Variants in CLASP2 observed in about 807,000 individuals in gnomAD.
The protein encoded by CLASP2 is CLIP-associating protein 2.
A neutral mutation model predicts 194.4 loss-of-function variants in CLASP2; 47 were observed. That is an observed-to-expected ratio of 0.24 (90% CI 0.19 to 0.31). The LOEUF is 0.31. Ranked by LOEUF, CLASP2 falls within the 10% of genes least tolerant of loss-of-function variation. The pLI, the probability that CLASP2 is intolerant of heterozygous loss-of-function variation, is 1.00. For missense variants in CLASP2, 1,445 were observed against 1,823.6 expected, an observed-to-expected ratio of 0.79 and a Z score of 3.78; for synonymous variants, 619 against 633.5, an observed-to-expected ratio of 0.98 and a Z score of 0.34.
chr3:33,693,491 C>T (rs1168064850), intron 2 of CLASP2, among the ~76,000 whole-genome samples: 1 of 152,064 alleles, frequency 6.6e-6, no homozygotes, highest in East Asian at 1.9e-4. Context: ...CAGATAAAAC[C>T]AAAAAGCTAA....
rs570067059 is a variant in CLASP2 at position 33,511,751 on chromosome 3, T to C, written c.4111-987A>G. ...CCCATCAAAAAGTGGGCGAAGGACA[T>C]GAACAGACACTTCTCAAAAGAAGAC... On this transcript the variant is annotated intron_variant, in intron 36 of 38. Coordinates refer to ENST00000682230, the MANE Select transcript of CLASP2 (RefSeq NM_001365631.1). Among the ~76,000 whole-genome samples the C allele has an allele frequency of 7.9e-4, 52 of 66,100 alleles. 10 individuals are homozygous for C. Among genetic ancestry groups the C allele is most frequent in the African/African-American group, 2.9e-3 (52 of 18,194 alleles). 43.4% of individuals were successfully genotyped at this position (66,100 alleles called of 152,430 possible).
chr3:33,696,353 C>CTTTTTTTTTTTT (rs962854814), intron 2 of CLASP2, among the ~76,000 whole-genome samples: 3 of 52,728 alleles, frequency 5.7e-5, no homozygotes, highest in Admixed American at 2.8e-4. Flanking sequence ...TTCTTTCTTT[C>CTTTTTTTTTTTT]TTTTTTTTTT....
At chr3:33,509,579 C>T (rs1193312244) in intron 37 of CLASP2, among the ~76,000 whole-genome samples, 1 of 152,056 alleles carries the variant, frequency 6.6e-6, no homozygotes. Flanking sequence ...TTAGGACCTC[C>T]CAATTTAGTA....
At chr3:33,631,974 T>C (rs2079175284) in intron 9 of CLASP2, among the ~76,000 whole-genome samples, 1 of 152,206 alleles carries the variant, frequency 6.6e-6, no homozygotes, top group South Asian at 2.1e-4. Flanking sequence ...TTTACTTCAA[T>C]TATATCTATA....
intron 1 of CLASP2, among the ~76,000 whole-genome samples, chr3:33,713,012 C>CAAAAAAAAAAAAA (rs57940200): frequency 1.3e-3 from 59 of 47,006 alleles, no homozygotes; most frequent in Non-Finnish European, 1.6e-3. Context: ...AACTCCACCT[C>CAAAAAAAAAAAAA]AAAAAAAAAA....
intron 1 of CLASP2, among the ~76,000 whole-genome samples, chr3:33,704,406 T>C (rs2092565571): frequency 6.6e-6 from 1 of 151,984 alleles, no homozygotes; most frequent in African/African-American, 2.4e-5. Flanking sequence ...ATAAAACCTA[T>C]TAAAAAACAA....
At chr3:33,650,384 C>T (rs2082976384) in intron 7 of CLASP2, among the ~76,000 whole-genome samples, 2 of 152,188 alleles carry the variant, frequency 1.3e-5, no homozygotes, top group Admixed American at 1.3e-4. Context: ...CAAATTACAA[C>T]TGTGTTGACA....
At chr3:33,676,094 A>T (rs1050971808) in intron 6 of CLASP2, among the ~76,000 whole-genome samples, 1 of 152,146 alleles carries the variant, frequency 6.6e-6, no homozygotes, top group East Asian at 1.9e-4. Context: ...TTTAAAGTTC[A>T]TATGGAACCA....
At chr3:33,570,887 A>G in intron 25 of CLASP2, 97 bp from the exon 26 acceptor site, 2 of 1,044,004 alleles carry the variant, frequency 1.9e-6, no homozygotes, top group Non-Finnish European at 2.7e-6. Context: ...AAAAAAAAAA[A>G]AGGTTAGGTT....
In CLASP2 at chr3:33,496,893, C is replaced by G. The variant is rs1207288455; in HGVS notation, c.*1738G>C. 6.6e-6 allele frequency: 1 copy of G among 152,468 alleles called. No homozygotes were observed. The highest frequency in any genetic ancestry group is 2.4e-5 in the African/African-American group (1 of 41,426). The allele number at this position is 152,468 out of a possible 1,614,324, so 9.4% of individuals were successfully genotyped here. Reference sequence around the variant, plus strand: ...AATCTTTTCTCCTCAGATGAACTTACAAAATTCAAGAGACCACCACTGATA... The same window carrying G: ...AATCTTTTCTCCTCAGATGAACTTAGAAAATTCAAGAGACCACCACTGATA... On this transcript the variant is annotated 3_prime_UTR_variant, in exon 39 of 39. Transcript: ENST00000682230.
rs112690099 is a variant in CLASP2, at chr3:33,528,341, A to G, written c.3787+6892T>C. On this transcript the variant is annotated intron_variant, in intron 34 of 38. Coordinates refer to ENST00000682230, the MANE Select transcript of CLASP2 (RefSeq NM_001365631.1). ...AAACCCACAGCAGCCAACATTATTC[A>G]AAATGGGCAAAAGCTGGAAGCAGTC... Among the ~76,000 whole-genome samples the G allele has an allele frequency of 7.2e-5, 11 of 152,340 alleles. 1 individual carries two copies. The highest frequency in any genetic ancestry group is 2.2e-4 in the African/African-American group (9 of 41,578).
In CLASP2 at chr3:33,688,495, T is replaced by C. The variant is rs1423089381; in HGVS notation, c.379-127A>G. On this transcript the variant is annotated intron_variant, in intron 3 of 38. Transcript: ENST00000682230. ...AATGTTTTCATCAGACTGTTGTTCATTTCTCCACTACTTACAAGTTTTTCT... is the reference window on the plus strand; with the variant it reads ...AATGTTTTCATCAGACTGTTGTTCACTTCTCCACTACTTACAAGTTTTTCT... 4.3e-6 allele frequency: 3 copies of C among 701,620 alleles called. No homozygotes were observed. The Admixed American group carries it at 9.8e-5, about 23-fold the overall frequency. 43.5% of individuals were successfully genotyped at this position (701,620 alleles called of 1,614,324 possible).
rs1338439175 is a variant in CLASP2 at position 33,544,721 on chromosome 3, G to A, written c.3274C>T (p.Arg1092Ter). 1 of 1,612,678 alleles carries A rather than the reference G, an allele frequency of 6.2e-7. No homozygotes were observed. The highest frequency in any genetic ancestry group is 8.5e-7 in the Non-Finnish European group (1 of 1,179,354). ...ACCTGGGTTCCATTGCCAGTGTTTC[G>A]AAGGTGATTATGAAGAAGCTTGGTA... is the stretch of plus-strand genomic sequence containing the variant. Reference protein sequence around the residue: ...GATKLLHNHLRNTGNGTQSSM... With the variant: ...GATKLLHNHL Residue 1092 changes from arginine to a stop codon, truncating the protein, a stop_gained, in exon 31 of 39, where the codon CGA (arginine) becomes TGA (stop). Coordinates refer to ENST00000682230, the MANE Select transcript of CLASP2 (RefSeq NM_001365631.1). LOFTEE classifies it high-confidence loss of function.
intron 9 of CLASP2, among the ~76,000 whole-genome samples, chr3:33,630,010 A>T (rs765750221): frequency 1.1e-4 from 16 of 152,256 alleles, no homozygotes; most frequent in Middle Eastern, 6.8e-3. Flanking sequence ...GTACTTAAAA[A>T]AGCAAGGAGA....
intron 4 of CLASP2, 46 bp from the exon 5 acceptor site, chr3:33,687,181 A>C (rs1290551604): frequency 8.1e-7 from 1 of 1,227,748 alleles, no homozygotes; most frequent in East Asian, 2.5e-5. Context: ...GTTTTTAATA[A>C]ACAGTAAACA....
intron 1 of CLASP2, among the ~76,000 whole-genome samples, chr3:33,707,371 GGAAA>G (rs1182635906): frequency 6.6e-6 from 1 of 152,126 alleles, no homozygotes; most frequent in African/African-American, 2.4e-5. Flanking sequence ...GTAAGTAAAT[GGAAA>G]GAATCATAGC....
intron 6 of CLASP2, chr3:33,683,582 T>G (rs1335877635): frequency 6.6e-6 from 1 of 152,228 alleles, no homozygotes. Context: ...CACTGCAGCC[T>G]AGGCAACAGA....
chr3:33,625,787 T>C (rs2077942488), intron 10 of CLASP2, among the ~76,000 whole-genome samples: 1 of 152,082 alleles, frequency 6.6e-6, no homozygotes. Context: ...TCCTCCCATC[T>C]TAGCCTCAAC....
chr3:33,569,210 C>T (rs1170076569), intron 26 of CLASP2, among the ~76,000 whole-genome samples: 1 of 152,152 alleles, frequency 6.6e-6, no homozygotes, highest in Non-Finnish European at 1.5e-5. Context: ...CAGTTAAGTT[C>T]CTATACCAGT....
Sources: allele counts gnomAD v4.1 joint callset (sites outside exome capture counted in the v4.1 genomes callset), GRCh38; gene constraint gnomAD v4.1.1; transcripts MANE v1.5; gene names NCBI Gene and HGNC (gene_info 2026-07-23, HGNC 2026-07-21).